Variants in IGF2BP2 observed in about 807,000 individuals in gnomAD.
IGF2BP2 encodes the protein insulin-like growth factor 2 mRNA-binding protein 2.
Under a neutral mutation model 75.8 loss-of-function variants are expected in IGF2BP2, and 17 were observed. That is an observed-to-expected ratio of 0.22 (90% CI 0.15 to 0.34). The LOEUF (loss-of-function observed/expected upper bound fraction) is 0.34, where lower values mean the gene tolerates loss of function less well. IGF2BP2 is among the 10% of genes least tolerant of loss of function. IGF2BP2 has a pLI of 1.00. For synonymous variants in IGF2BP2, 288 were observed against 295.6 expected (o/e 0.97, Z 0.26); for missense variants, 516 against 772.4 (o/e 0.67, Z 3.93).
intron 8 of IGF2BP2, 133 bp from the exon 9 acceptor site, chr3:185,675,564 G>A: frequency 8.9e-7 from 1 of 1,124,196 alleles, no homozygotes; most frequent in Non-Finnish European, 1.3e-6. Flanking sequence ...CTGTGGTGGA[G>A]AATCCCTGCC....
Position 185,675,547 on chromosome 3 carries a change from C to G in IGF2BP2, c.936-116G>C. ...AGAGAGAGAAGACTCAATTCCCTCCCAACACACTGTGGTGGAGAATCCCTG... is the reference window on the plus strand; with the variant it reads ...AGAGAGAGAAGACTCAATTCCCTCCGAACACACTGTGGTGGAGAATCCCTG... On this transcript the variant is annotated intron_variant, in intron 8 of 15. Transcript: ENST00000382199. 5.7e-6 allele frequency: 7 copies of G among 1,238,250 alleles called. No homozygotes were observed. In the South Asian group the frequency reaches 9.4e-5, roughly 17 times the overall value. 76.7% of individuals were successfully genotyped at this position (1,238,250 alleles called of 1,614,324 possible). A position where few individuals can be genotyped will look rare whatever the true frequency, so the allele number is the denominator to read the frequency against.
intron 4 of IGF2BP2, among the ~76,000 whole-genome samples, chr3:185,695,376 C>G (rs1039797789): frequency 7.9e-5 from 12 of 152,162 alleles, no homozygotes; most frequent in African/African-American, 2.9e-4. Context: ...ATGCCTTATA[C>G]AGGTTCTCTT....
chr3:185,665,943 G>A (rs555011577), intron 10 of IGF2BP2, among the ~76,000 whole-genome samples: 105 of 152,170 alleles, frequency 6.9e-4, no homozygotes, highest in African/African-American at 2.4e-3. Context: ...CTTTAGCCTG[G>A]GTGACAGAGC....
intron 2 of IGF2BP2, among the ~76,000 whole-genome samples, chr3:185,783,955 C>T (rs1735537222): frequency 6.6e-6 from 1 of 152,146 alleles, no homozygotes; most frequent in African/African-American, 2.4e-5. Context: ...TAAACAACAG[C>T]CTGGCGAGGT....
chr3:185,720,589 G>A (rs1177274333), intron 2 of IGF2BP2, among the ~76,000 whole-genome samples: 2 of 152,218 alleles, frequency 1.3e-5, no homozygotes, highest in Non-Finnish European at 2.9e-5. Context: ...CTTGTTGCTT[G>A]TAGCAGCTCT....
At chr3:185,718,207 A>G (rs1353390081) in intron 2 of IGF2BP2, 1 of 152,220 alleles carries the variant, frequency 6.6e-6, no homozygotes, top group Non-Finnish European at 1.5e-5. Context: ...TTCATGCTGC[A>G]TTGGCAGCGC....
chr3:185,724,900 G>C (rs1401477741), intron 2 of IGF2BP2: 2 of 152,190 alleles, frequency 1.3e-5, no homozygotes, highest in Non-Finnish European at 1.5e-5. Flanking sequence ...GTGATAGTTT[G>C]TGACTGCTGA....
intron 2 of IGF2BP2, among the ~76,000 whole-genome samples, chr3:185,725,314 G>C (rs751367331): frequency 6.6e-6 from 1 of 152,154 alleles, no homozygotes; most frequent in Non-Finnish European, 1.5e-5. Flanking sequence ...GTTTGAAAGT[G>C]GTGAAAAAGC....
rs1245738259 is a variant in IGF2BP2, at chr3:185,798,339, C to T, written c.239+24814G>A. On this transcript the variant is annotated intron_variant, in intron 2 of 15. Coordinates refer to ENST00000382199, the MANE Select transcript of IGF2BP2 (RefSeq NM_006548.6). ...AATCTACAGTGGAAAAAGGCATCCACTAAAGACTTCCTTCAACATTTTTAG... is the reference window on the plus strand; with the variant it reads ...AATCTACAGTGGAAAAAGGCATCCATTAAAGACTTCCTTCAACATTTTTAG... 3.3e-5 allele frequency among the ~76,000 whole-genome samples: 5 copies of T among 152,292 alleles called. No individual in the cohort carries two copies. The East Asian group carries it at 7.7e-4, about 23-fold the overall frequency.
At chr3:185,729,431 C>G (rs1465798487) in intron 2 of IGF2BP2, among the ~76,000 whole-genome samples, 1 of 152,158 alleles carries the variant, frequency 6.6e-6, no homozygotes, top group African/African-American at 2.4e-5. Flanking sequence ...AAAATTTGAC[C>G]TCTTAAGAAC....
Position 185,802,826 on chromosome 3 carries a change from C to T in IGF2BP2, c.239+20327G>A, listed in dbSNP as rs192810097. The stretch of plus-strand genomic sequence containing the variant: ...CTCAAGATGAGAACATCCACAAACA[C>T]TTTCCTGTTGTTAGAAAGACTTAAA... On this transcript the variant is annotated intron_variant, in intron 2 of 15. Transcript: ENST00000382199. Among the ~76,000 whole-genome samples the T allele has an allele frequency of 3.1e-3, 467 of 152,290 alleles. 5 individuals carry two copies. Among genetic ancestry groups the T allele is most frequent in the African/African-American group, 0.011 (444 of 41,552 alleles).
At chr3:185,685,096 C>T (rs1229279775) in intron 7 of IGF2BP2, among the ~76,000 whole-genome samples, 2 of 151,984 alleles carry the variant, frequency 1.3e-5, no homozygotes, top group African/African-American at 2.4e-5. Flanking sequence ...ACCTGTAATC[C>T]CAGCACATTG....
At chr3:185,816,044 T>A (rs547366139) in intron 2 of IGF2BP2, among the ~76,000 whole-genome samples, 1 of 152,150 alleles carries the variant, frequency 6.6e-6, no homozygotes, top group Non-Finnish European at 1.5e-5. Flanking sequence ...TGGCAGTTCC[T>A]ACCAGGGAAA....
intron 2 of IGF2BP2, chr3:185,713,502 A>C (rs1725132843): frequency 1.9e-6 from 1 of 519,558 alleles, no homozygotes; most frequent in Non-Finnish European, 3.9e-6. Context: ...AGTAAGATAG[A>C]CTCCAAAGGC....
At chr3:185,663,397 G>A (rs1449721034) in intron 10 of IGF2BP2, among the ~76,000 whole-genome samples, 2 of 152,208 alleles carry the variant, frequency 1.3e-5, no homozygotes, top group Non-Finnish European at 2.9e-5. Flanking sequence ...CCACAGGCTT[G>A]TTTCAAACTC....
At chr3:185,722,259 G>C (rs115684700) in intron 2 of IGF2BP2, 3 of 456,194 alleles carry the variant, frequency 6.6e-6, no homozygotes, top group Admixed American at 2.4e-5. Flanking sequence ...CATTCCATAG[G>C]GGGTGAAACT....
At chr3:185,774,747 T>A (rs983028839) in intron 2 of IGF2BP2, among the ~76,000 whole-genome samples, 1 of 152,114 alleles carries the variant, frequency 6.6e-6, no homozygotes, top group African/African-American at 2.4e-5. Flanking sequence ...CTCACACCTG[T>A]AATCCCAGCA....
intron 2 of IGF2BP2, among the ~76,000 whole-genome samples, chr3:185,809,371 C>G (rs1739489033): frequency 6.6e-6 from 1 of 152,174 alleles, no homozygotes; most frequent in South Asian, 2.1e-4. Context: ...AAGCCCTGTG[C>G]AATTGTTCTT....
Position 185,647,953 on chromosome 3 carries a change from G to A in IGF2BP2, c.1594-815C>T, listed in dbSNP as rs1187273459. Among the ~76,000 whole-genome samples, 1 of 152,210 alleles carries A rather than the reference G, an allele frequency of 6.6e-6. No homozygotes were observed. The highest frequency in any genetic ancestry group is 1.5e-5 in the Non-Finnish European group (1 of 68,038). On this transcript the variant is annotated intron_variant, in intron 14 of 15. Transcript: ENST00000382199. The surrounding 1 kb of genome is among the most constrained non-coding windows in gnomAD (Gnocchi z 4.9). Reference sequence around the variant, plus strand: ...AAATAGCTAAACAGGACACCCAGGGGCTCAGGATTCTACTCCCTGCTGATC... The same window carrying A: ...AAATAGCTAAACAGGACACCCAGGGACTCAGGATTCTACTCCCTGCTGATC...
Sources: allele counts gnomAD v4.1 joint callset (sites outside exome capture counted in the v4.1 genomes callset), GRCh38; gene constraint gnomAD v4.1.1; non-coding constraint Gnocchi (gnomAD v3.1); transcripts MANE v1.5; gene names NCBI Gene and HGNC (gene_info 2026-07-23, HGNC 2026-07-21).